SOHLH2: variants seen among roughly 807,000 people sequenced by gnomAD.
The protein encoded by SOHLH2 is spermatogenesis- and oogenesis-specific basic helix-loop-helix-containing protein 2.
SOHLH2 carries 22 observed loss-of-function variants against 50.4 expected under a neutral mutation model. The observed-to-expected ratio is 0.44, with a 90% CI of 0.31 to 0.62. The LOEUF is 0.62. Ranked by LOEUF, SOHLH2 falls within the 20% of genes least tolerant of loss-of-function variation. The pLI, the probability that SOHLH2 is intolerant of heterozygous loss-of-function variation, is 0.08. For missense variants in SOHLH2, 412 were observed against 504.4 expected, an observed-to-expected ratio of 0.82 and a Z score of 1.76; for synonymous variants, 185 against 187.3, an observed-to-expected ratio of 0.99 and a Z score of 0.10.
chr13:36,185,969 G>A (rs1424888229), intron 6 of SOHLH2, among the ~76,000 whole-genome samples: 1 of 152,100 alleles, frequency 6.6e-6, no homozygotes, highest in Non-Finnish European at 1.5e-5. Flanking sequence ...TCAGAAAACA[G>A]AAGGTTTTCC....
Position 36,190,012 on chromosome 13 carries a change from G to A in SOHLH2, c.575C>T (p.Ser192Leu), listed in dbSNP as rs138723842. The part of the protein sequence containing the change: ...RNGNGLELNA[S>L]LSEFEKNKKI... Reference sequence around the variant, plus strand: ...TTTGTTTTTCTCGAACTCTGACAACGAAGCATTTAATTCAAGCCCATTGCC... The same window carrying A: ...TTTGTTTTTCTCGAACTCTGACAACAAAGCATTTAATTCAAGCCCATTGCC... The change falls in exon 6 of 11, where the codon TCG becomes TTG. Residue 192 changes from serine (S) to leucine (L), a missense_variant. By Grantham distance (145) the Ser-to-Leu change is moderately radical (BLOSUM62 -2). Coordinates refer to ENST00000379881, the MANE Select transcript of SOHLH2 (RefSeq NM_017826.3). 5.6e-6 allele frequency: 9 copies of A among 1,607,600 alleles called. No individual in the cohort carries two copies. Among genetic ancestry groups the A allele is most frequent in the Admixed American group, 3.3e-5 (2 of 59,768 alleles).
intron 1 of SOHLH2, among the ~76,000 whole-genome samples, chr13:36,202,302 C>G (rs1868473291): frequency 6.6e-6 from 1 of 152,234 alleles, no homozygotes; most frequent in Non-Finnish European, 1.5e-5. Flanking sequence ...GTGATTAGAT[C>G]TGAAGGTCAC....
At chr13:36,173,884 C>T (rs1196770367) in intron 8 of SOHLH2, 74 bp from the exon 9 acceptor site, 2 of 1,537,712 alleles carry the variant, frequency 1.3e-6, no homozygotes, top group South Asian at 1.2e-5. Context: ...TTCAATTGCC[C>T]TTTTATCATT....
chr13:36,175,004 A>C (rs1887063280), intron 6 of SOHLH2, 135 bp from the exon 7 acceptor site: 1 of 1,304,866 alleles, frequency 7.7e-7, no homozygotes, highest in African/African-American at 1.5e-5. Flanking sequence ...ATTTCAGAGA[A>C]AGGCTGTGTC....
intron 6 of SOHLH2, among the ~76,000 whole-genome samples, chr13:36,183,808 G>A (rs910207601): frequency 6.6e-6 from 1 of 152,140 alleles, no homozygotes; most frequent in Non-Finnish European, 1.5e-5. Context: ...GGGAGTACTA[G>A]CATAGAAAAA....
chr13:36,186,901 A>C (rs1353636767), intron 6 of SOHLH2, among the ~76,000 whole-genome samples: 1 of 152,116 alleles, frequency 6.6e-6, no homozygotes, highest in East Asian at 1.9e-4. Context: ...AAAACCCAAA[A>C]CCATATGTAA....
At chr13:36,211,854 AG>A (rs1480882021) in intron 1 of SOHLH2, among the ~76,000 whole-genome samples, 1 of 152,240 alleles carries the variant, frequency 6.6e-6, no homozygotes, top group Admixed American at 6.5e-5. Flanking sequence ...GGGAAGGACC[AG>A]GGGAGAGAGG....
intron 8 of SOHLH2, 58 bp downstream of exon 8, chr13:36,174,418 A>G: frequency 1.2e-6 from 2 of 1,603,648 alleles, no homozygotes; most frequent in South Asian, 1.1e-5. Flanking sequence ...CATATTTAGC[A>G]TCAACATGGG....
At chr13:36,203,077 T>C (rs572028493) in intron 1 of SOHLH2, among the ~76,000 whole-genome samples, 64 of 152,346 alleles carry the variant, frequency 4.2e-4, no homozygotes, top group African/African-American at 1.5e-3. Flanking sequence ...TTTCTTCCTT[T>C]TTTTTATAAA....
chr13:36,189,363 C>T (rs1439329668), intron 6 of SOHLH2, among the ~76,000 whole-genome samples: 5 of 152,134 alleles, frequency 3.3e-5, no homozygotes, highest in African/African-American at 1.2e-4. Flanking sequence ...CTACTTACTA[C>T]CTCTCATCTT....
intron 1 of SOHLH2, among the ~76,000 whole-genome samples, chr13:36,209,149 G>T (rs1218684660): frequency 6.6e-6 from 1 of 151,966 alleles, no homozygotes; most frequent in Non-Finnish European, 1.5e-5. Flanking sequence ...CTCTCTCAGA[G>T]ATTTCTTCAT....
chr13:36,187,581 C>G (rs1189584653), intron 6 of SOHLH2, among the ~76,000 whole-genome samples: 1 of 152,130 alleles, frequency 6.6e-6, no homozygotes, highest in African/African-American at 2.4e-5. Flanking sequence ...ATCCACCATC[C>G]CATCCCATCA....
chr13:36,195,553 C>T (rs1887700399), intron 2 of SOHLH2, among the ~76,000 whole-genome samples: 1 of 152,108 alleles, frequency 6.6e-6, no homozygotes, highest in African/African-American at 2.4e-5. Context: ...AGCTCAGGAG[C>T]AACCAACACA....
intron 5 of SOHLH2, among the ~76,000 whole-genome samples, chr13:36,190,270 A>G (rs967620190): frequency 3.3e-5 from 5 of 152,206 alleles, no homozygotes; most frequent in African/African-American, 1.2e-4. Flanking sequence ...ATCATCCTAA[A>G]TTCAATGACT....
intron 6 of SOHLH2, among the ~76,000 whole-genome samples, chr13:36,184,680 G>C (rs76597726): frequency 1.3e-5 from 2 of 151,892 alleles, no homozygotes; most frequent in African/African-American, 4.8e-5. Flanking sequence ...GGATGGTCTC[G>C]ATCTCCTGAC....
In SOHLH2 at chr13:36,168,768, C is replaced by T. The variant is rs537471987; in HGVS notation, c.*266G>A. ...TTTTGAGAAAAGAGAGTGTAGGTCA[C>T]TGAGGCCATTTGTTCTTGTAGCTCT... On this transcript the variant is annotated 3_prime_UTR_variant, in exon 11 of 11. Transcript: ENST00000379881. 6.5e-6 allele frequency: 3 copies of T among 460,236 alleles called. No individual in the cohort carries two copies. The highest frequency in any genetic ancestry group is 7.6e-6 in the Non-Finnish European group (2 of 264,552). 28.5% of individuals were successfully genotyped at this position (460,236 alleles called of 1,614,324 possible).
At chr13:36,204,372 G>A (rs1279788919) in intron 1 of SOHLH2, among the ~76,000 whole-genome samples, 1 of 152,118 alleles carries the variant, frequency 6.6e-6, no homozygotes, top group African/African-American at 2.4e-5. Context: ...CTCCATTTAT[G>A]TTAAAATATG....
At chr13:36,213,425 T>A (rs1357336952) in intron 1 of SOHLH2, among the ~76,000 whole-genome samples, 2 of 152,128 alleles carry the variant, frequency 1.3e-5, no homozygotes, top group Non-Finnish European at 2.9e-5. Context: ...GAGATGAAAT[T>A]AAGTTTGCAG....
rs747488133 is a variant in SOHLH2, at chr13:36,190,006, G to A, written c.581C>T (p.Ser194Leu). Residue 194 changes from serine to leucine, a missense_variant, in exon 6 of 11, where the codon TCA becomes TTA. Transcript: ENST00000379881. ...GNGLELNASL[S>L]EFEKNKKISL... ...GATCTTTTTGTTTTTCTCGAACTCT[G>A]ACAACGAAGCATTTAATTCAAGCCC... is the stretch of plus-strand genomic sequence containing the variant. 3.9e-5 allele frequency: 63 copies of A among 1,607,576 alleles called. No homozygotes were observed. In the Middle Eastern group the frequency reaches 7.6e-3, roughly 194 times the overall value.
Sources: gnomAD v4.1 joint callset for allele counts (sites outside exome capture counted in the v4.1 genomes callset) on GRCh38, gnomAD v4.1.1 for gene constraint, MANE v1.5 for transcripts, NCBI Gene and HGNC (gene_info 2026-07-23, HGNC 2026-07-21) for gene names.